Variants in ME1 observed in about 807,000 individuals in gnomAD.
The protein encoded by ME1 is NADP-dependent malic enzyme.
A neutral mutation model predicts 66.4 loss-of-function variants in ME1; 74 were observed. The ratio of observed to expected loss-of-function variants is 1.11; its 90% CI spans 0.92 to 1.35. The LOEUF (loss-of-function observed/expected upper bound fraction) is 1.35, where lower values mean the gene tolerates loss of function less well. Among genes scored for constraint, ME1 ranks in the 40% most tolerant of loss-of-function variants. ME1 has a pLI of 0.00. For missense variants in ME1, 750 were observed against 694.1 expected, an observed-to-expected ratio of 1.08 and a Z score of -0.90; for synonymous variants, 251 against 235.6, an observed-to-expected ratio of 1.07 and a Z score of -0.60.
intron 6 of ME1, among the ~76,000 whole-genome samples, chr6:83,254,027 GAAGT>G (rs1790765121): frequency 6.6e-6 from 1 of 152,032 alleles, no homozygotes. Context: ...AAGTAAATAA[GAAGT>G]AATATAAAAG....
intron 3 of ME1, chr6:83,393,242 G>A: frequency 1.7e-6 from 2 of 1,152,236 alleles, no homozygotes; most frequent in South Asian, 1.2e-5. Flanking sequence ...CTGAGCACCA[G>A]GTGGTCTCCT....
rs1308489994 is a variant in ME1, at chr6:83,228,781, G to A, written c.1132+45C>T. 4 of 1,306,550 alleles carry A rather than the reference G, an allele frequency of 3.1e-6. No homozygotes were observed. The East Asian group carries it at 7.0e-5, about 23-fold the overall frequency. The allele number at this position is 1,306,550 out of a possible 1,614,324, so 80.9% of individuals were successfully genotyped here. A position where few individuals can be genotyped will look rare whatever the true frequency, so the allele number is the denominator to read the frequency against. ...AATTGGTAGTAAAAAAAACAATCAG[G>A]TCAAAATAAGGGGTAGGGGAGAAGG... On this transcript the variant is annotated intron_variant, in intron 10 of 13. Coordinates refer to ENST00000369705, the MANE Select transcript of ME1 (RefSeq NM_002395.6).
intron 5 of ME1, among the ~76,000 whole-genome samples, chr6:83,321,492 C>G (rs1768173548): frequency 6.6e-6 from 1 of 152,012 alleles, no homozygotes. Context: ...TACTGAGGCT[C>G]GAGTAGGCAG....
At chr6:83,216,105 T>G (rs1162965180) in intron 13 of ME1, among the ~76,000 whole-genome samples, 2 of 152,244 alleles carry the variant, frequency 1.3e-5, no homozygotes, top group African/African-American at 4.8e-5. Flanking sequence ...GACATGGATA[T>G]GGAAGGTGGT....
chr6:83,275,943 T>C (rs1767174363), intron 6 of ME1, among the ~76,000 whole-genome samples: 2 of 151,180 alleles, frequency 1.3e-5, no homozygotes, highest in South Asian at 4.2e-4. Context: ...CTAATTTTTT[T>C]GTATCTTTAG....
In ME1 at chr6:83,233,682, G is replaced by T. The variant is rs150467184; in HGVS notation, c.1026+4035C>A. Among the ~76,000 whole-genome samples the T allele has an allele frequency of 5.0e-4, 75 of 150,814 alleles. 1 individual carries two copies. In the East Asian group the frequency reaches 0.013, roughly 27 times the overall value. The stretch of plus-strand genomic sequence containing the variant: ...GAAAATTTTTTATTTAAAACTTTAT[G>T]GTATTTTTACATTTTATAAACAATT... On this transcript the variant is annotated intron_variant, in intron 9 of 13. Transcript: ENST00000369705.
At chr6:83,426,886 T>C (rs12524383) in intron 1 of ME1, among the ~76,000 whole-genome samples, 47,177 of 152,048 alleles carry the variant, frequency 0.31, 7,707 homozygotes, top group Middle Eastern at 0.48. Context: ...ACAATTATGA[T>C]AGAACTATCA....
At chr6:83,427,980 C>A (rs1196539276) in intron 1 of ME1, among the ~76,000 whole-genome samples, 1 of 151,260 alleles carries the variant, frequency 6.6e-6, no homozygotes, top group Non-Finnish European at 1.5e-5. Context: ...CCACTGCACT[C>A]CAGCCTGGGC....
At chr6:83,414,996 C>T (rs1319473227) in intron 1 of ME1, among the ~76,000 whole-genome samples, 1 of 152,142 alleles carries the variant, frequency 6.6e-6, no homozygotes, top group Non-Finnish European at 1.5e-5. Context: ...TTAAGATCTT[C>T]AATTGAAACG....
chr6:83,252,409 C>T (rs1790739643), intron 7 of ME1, among the ~76,000 whole-genome samples: 1 of 152,008 alleles, frequency 6.6e-6, no homozygotes, highest in Non-Finnish European at 1.5e-5. Context: ...TTCAATCCTT[C>T]CCACCTCAGC....
intron 3 of ME1, among the ~76,000 whole-genome samples, chr6:83,371,437 C>T (rs1170115641): frequency 6.6e-6 from 1 of 152,178 alleles, no homozygotes; most frequent in Non-Finnish European, 1.5e-5. Context: ...GACAGAGACT[C>T]ACATGCATAT....
At chr6:83,345,338 A>T (rs1253280985) in intron 5 of ME1, among the ~76,000 whole-genome samples, 1 of 152,264 alleles carries the variant, frequency 6.6e-6, no homozygotes, top group African/African-American at 2.4e-5. Flanking sequence ...ATTCATGCAT[A>T]GATCAAGTTA....
intron 3 of ME1, among the ~76,000 whole-genome samples, chr6:83,372,664 C>G (rs1014957758): frequency 6.6e-6 from 1 of 152,168 alleles, no homozygotes; most frequent in Admixed American, 6.5e-5. Context: ...GGCCTGCTAA[C>G]GTGTGCTTTA....
chr6:83,422,891 C>T (rs1486536168), intron 1 of ME1, among the ~76,000 whole-genome samples: 2 of 151,850 alleles, frequency 1.3e-5, no homozygotes, highest in African/African-American at 4.8e-5. Flanking sequence ...AAAGGCCTAA[C>T]ATTTGTATCA....
intron 3 of ME1, among the ~76,000 whole-genome samples, chr6:83,386,209 T>A (rs1769500319): frequency 6.6e-6 from 1 of 151,942 alleles, no homozygotes; most frequent in South Asian, 2.1e-4. Flanking sequence ...AACATTAAAA[T>A]GATCACTTTT....
rs952680542 is a variant in ME1, at chr6:83,224,910, G to T, written c.1276-977C>A. On this transcript the variant is annotated intron_variant, in intron 11 of 13. Coordinates refer to ENST00000369705, the MANE Select transcript of ME1 (RefSeq NM_002395.6). ...CTCATGTACTGCTTGCTTTAAAAAG[G>T]CATGAACTTGGCTGGGCGCGGTGGC... Among the ~76,000 whole-genome samples the T allele has an allele frequency of 3.6e-4, 55 of 151,540 alleles. 1 individual carries two copies. The highest frequency in any genetic ancestry group is 3.2e-3 in the Admixed American group (48 of 15,220).
Position 83,286,033 on chromosome 6 carries a change from G to A in ME1, c.704+29277C>T, listed in dbSNP as rs1767390280. On this transcript the variant is annotated intron_variant, in intron 6 of 13. Coordinates refer to ENST00000369705, the MANE Select transcript of ME1 (RefSeq NM_002395.6). ...CTTATAAGATTTCCGAATTCAGAAT[G>A]TACTAGAGATGCCATCCTGTTTGCA... Among the ~76,000 whole-genome samples the A allele has an allele frequency of 5.3e-5, 8 of 152,100 alleles. No individual in the cohort carries two copies. In the South Asian group the frequency reaches 1.7e-3, roughly 32 times the overall value.
chr6:83,275,983 G>A (rs1767175045), intron 6 of ME1, among the ~76,000 whole-genome samples: 1 of 151,648 alleles, frequency 6.6e-6, no homozygotes. Context: ...TGTTAGCCAG[G>A]ATGGTCGCGA....
intron 12 of ME1, among the ~76,000 whole-genome samples, chr6:83,217,285 T>C (rs1790011676): frequency 6.6e-6 from 1 of 152,180 alleles, no homozygotes; most frequent in African/African-American, 2.4e-5. Context: ...CAAATCTAAA[T>C]CAGCTTATAC....
Sources: gnomAD v4.1 joint callset for allele counts (sites outside exome capture counted in the v4.1 genomes callset) on GRCh38, gnomAD v4.1.1 for gene constraint, MANE v1.5 for transcripts, NCBI Gene and HGNC (gene_info 2026-07-23, HGNC 2026-07-21) for gene names.